The following SUGCT variants were observed in gnomAD, a reference collection of about 807,000 sequenced individuals.
SUGCT encodes the protein succinyl-CoA:glutarate-CoA transferase, also known as succinyl-CoA:glutarate CoA-transferase.
In SUGCT, 41 loss-of-function variants were observed where a neutral mutation model predicts 55.0. That is an observed-to-expected ratio of 0.74 (90% CI 0.58 to 0.97). SUGCT has a LOEUF of 0.97. Ranked by LOEUF, SUGCT falls within the 50% of genes least tolerant of loss-of-function variation. SUGCT has a pLI of 0.00. For missense variants in SUGCT, 568 were observed against 547.8 expected (o/e 1.04, Z -0.37); for synonymous variants, 187 against 200.4 (o/e 0.93, Z 0.56).
chr7:40,848,318 C>G (rs558550135), intron 13 of SUGCT, among the ~76,000 whole-genome samples: 65 of 152,254 alleles, frequency 4.3e-4, no homozygotes, highest in African/African-American at 1.6e-3. Flanking sequence ...TACCTTGTAC[C>G]TGGCCCTCTT....
intron 9 of SUGCT, among the ~76,000 whole-genome samples, chr7:40,415,044 CAAAAA>C (rs66493575): frequency 1.4e-5 from 1 of 71,022 alleles, no homozygotes. Context: ...CACTCTGTCA[CAAAAA>C]AAAAAAAAAA....
chr7:40,251,170 T>C (rs899015438), intron 7 of SUGCT, among the ~76,000 whole-genome samples: 2 of 152,190 alleles, frequency 1.3e-5, no homozygotes, highest in African/African-American at 4.8e-5. Flanking sequence ...TGTTCCATCA[T>C]GTATTGATTT....
chr7:40,272,567 T>C (rs1427972734), intron 7 of SUGCT, among the ~76,000 whole-genome samples: 1 of 151,422 alleles, frequency 6.6e-6, no homozygotes, highest in East Asian at 1.9e-4. Context: ...ACCATGGGAG[T>C]GCACATATCT....
chr7:40,495,126 G>T (rs1791898639), intron 11 of SUGCT, among the ~76,000 whole-genome samples: 1 of 151,666 alleles, frequency 6.6e-6, no homozygotes, highest in Non-Finnish European at 1.5e-5. Context: ...TGGTCAGGCT[G>T]GTCTCGAACT....
intron 6 of SUGCT, among the ~76,000 whole-genome samples, chr7:40,222,986 T>TTTCC (rs200277908): frequency 0.11 from 9,912 of 93,278 alleles, 430 homozygotes; most frequent in Non-Finnish European, 0.13. Flanking sequence ...TTTTCATTTC[T>TTTCC]TTCCTTCCTT....
Position 40,138,593 on chromosome 7 carries a change from A to G in SUGCT, c.100+3473A>G, listed in dbSNP as rs527466026. Among the ~76,000 whole-genome samples the G allele has an allele frequency of 3.9e-5, 6 of 152,316 alleles. No individual in the cohort carries two copies. The South Asian group carries it at 1.2e-3, about 32-fold the overall frequency. On this transcript the variant is annotated intron_variant, in intron 1 of 13. Coordinates refer to ENST00000335693, the MANE Select transcript of SUGCT (RefSeq NM_001193313.2). Reference sequence around the variant, plus strand: ...CCATACTGTTTTCCATAGAAGGTGCACTGATTTACATTCCCACCAACAGTG... The same window carrying G: ...CCATACTGTTTTCCATAGAAGGTGCGCTGATTTACATTCCCACCAACAGTG...
intron 13 of SUGCT, among the ~76,000 whole-genome samples, chr7:40,828,593 A>C (rs1380158464): frequency 4.0e-5 from 6 of 151,814 alleles, no homozygotes; most frequent in Admixed American, 3.3e-4. Flanking sequence ...AAAAAAAAAA[A>C]ACTCAAGAAC....
chr7:40,676,804 A>G (rs1784007868), intron 12 of SUGCT, among the ~76,000 whole-genome samples: 1 of 151,932 alleles, frequency 6.6e-6, no homozygotes. Context: ...CGCCTGGCCT[A>G]TTCCCTTGTG....
chr7:40,670,974 G>T (rs1275704095), intron 12 of SUGCT, among the ~76,000 whole-genome samples: 1 of 152,086 alleles, frequency 6.6e-6, no homozygotes. Context: ...TATCCATCAT[G>T]AATATAGAAG....
intron 13 of SUGCT, among the ~76,000 whole-genome samples, chr7:40,855,552 C>T (rs1794129428): frequency 6.6e-6 from 1 of 151,042 alleles, no homozygotes; most frequent in South Asian, 2.1e-4. Flanking sequence ...TTTGAGTTAT[C>T]TTCATTGTTT....
chr7:40,503,565 CAAAT>C (rs1419480266), intron 12 of SUGCT, among the ~76,000 whole-genome samples: 1 of 151,844 alleles, frequency 6.6e-6, no homozygotes, highest in Non-Finnish European at 1.5e-5. Context: ...AATAGCATGA[CAAAT>C]AAGAGGAGAA....
At chr7:40,962,504 C>T in the SUGCT span, among the ~76,000 whole-genome samples, 2 of 150,698 alleles carry the variant, frequency 1.3e-5, no homozygotes, top group Non-Finnish European at 3.0e-5. Context: ...ATATTCAGTT[C>T]AATAGACTGT....
At chr7:40,666,595 T>C (rs1210430201) in intron 12 of SUGCT, among the ~76,000 whole-genome samples, 1 of 151,542 alleles carries the variant, frequency 6.6e-6, no homozygotes, top group Non-Finnish European at 1.5e-5. Flanking sequence ...CTGTGTGGAA[T>C]GGAAAAAAGG....
chr7:40,206,286 A>G (rs775221499), intron 6 of SUGCT, among the ~76,000 whole-genome samples: 5 of 152,332 alleles, frequency 3.3e-5, no homozygotes, highest in Admixed American at 6.5e-5. Flanking sequence ...TACATGTCAG[A>G]TAGTGTTTAG....
intron 8 of SUGCT, among the ~76,000 whole-genome samples, chr7:40,295,833 T>A (rs1794104851): frequency 6.6e-6 from 1 of 152,190 alleles, no homozygotes; most frequent in South Asian, 2.1e-4. Flanking sequence ...GTTCTTCTCC[T>A]TACACCCCCT....
chr7:40,945,737 T>G, the SUGCT span, among the ~76,000 whole-genome samples: 1 of 152,178 alleles, frequency 6.6e-6, no homozygotes, highest in Admixed American at 6.5e-5. Context: ...CTTGATGTGA[T>G]GGACTTCCCC....
At chr7:40,609,704 C>CTGA (rs1798687582) in intron 12 of SUGCT, among the ~76,000 whole-genome samples, 1 of 152,126 alleles carries the variant, frequency 6.6e-6, no homozygotes. Context: ...GACTATATAG[C>CTGA]TGATACCTGA....
At chr7:40,483,394 T>G (rs1408428252) in intron 11 of SUGCT, among the ~76,000 whole-genome samples, 1 of 152,216 alleles carries the variant, frequency 6.6e-6, no homozygotes, top group East Asian at 1.9e-4. Context: ...TTTTGTTTAT[T>G]TAACACTTAT....
chr7:40,508,342 G>C (rs1230736697), intron 12 of SUGCT, among the ~76,000 whole-genome samples: 2 of 152,200 alleles, frequency 1.3e-5, no homozygotes, highest in Non-Finnish European at 2.9e-5. Context: ...GGATGGGATG[G>C]GGGAAGGCAG....
Sources: allele counts gnomAD v4.1 joint callset (sites outside exome capture counted in the v4.1 genomes callset), GRCh38; gene constraint gnomAD v4.1.1; transcripts MANE v1.5; gene names NCBI Gene and HGNC (gene_info 2026-07-23, HGNC 2026-07-21).